The following JARID2 variants were observed in gnomAD, a reference collection of about 807,000 sequenced individuals.
JARID2 encodes jumonji and AT-rich interaction domain containing 2.
In JARID2, 21 loss-of-function variants were observed where a neutral mutation model predicts 125.6. That is an observed-to-expected ratio of 0.17 (90% CI 0.12 to 0.24). JARID2 has a LOEUF of 0.24. Ranked by LOEUF, JARID2 falls within the 10% of genes least tolerant of loss-of-function variation. The pLI is 1.00. For missense variants in JARID2, 1,303 were observed against 1,639.6 expected (o/e 0.79, Z 3.55); for synonymous variants, 736 against 661.6 (o/e 1.11, Z -1.73).
intron 1 of JARID2, among the ~76,000 whole-genome samples, chr6:15,258,924 T>A (rs894440270): frequency 6.6e-6 from 1 of 152,246 alleles, no homozygotes; most frequent in Non-Finnish European, 1.5e-5. Flanking sequence ...GATTATAGTA[T>A]ATCCCAGTTG....
intron 1 of JARID2, among the ~76,000 whole-genome samples, chr6:15,303,323 G>A (rs1486617537): frequency 6.6e-6 from 1 of 152,254 alleles, no homozygotes; most frequent in Non-Finnish European, 1.5e-5. Flanking sequence ...GGTTCATTCT[G>A]TTTCAGGCAG....
chr6:15,339,892 A>C (rs1302922709), intron 1 of JARID2, among the ~76,000 whole-genome samples: 2 of 152,088 alleles, frequency 1.3e-5, no homozygotes, highest in Non-Finnish European at 1.5e-5. Flanking sequence ...TTCTTTCACC[A>C]GGGAGAAAAA....
chr6:15,411,650 CAA>C (rs1765883180), intron 3 of JARID2, among the ~76,000 whole-genome samples: 2 of 152,114 alleles, frequency 1.3e-5, no homozygotes, highest in South Asian at 4.2e-4. Context: ...TGAATTATCA[CAA>C]GAGAGTGATT....
chr6:15,511,857 T>C (rs1176209960), intron 13 of JARID2, among the ~76,000 whole-genome samples: 3 of 152,146 alleles, frequency 2.0e-5, no homozygotes, highest in Non-Finnish European at 2.9e-5. Flanking sequence ...GACGGGGGAC[T>C]CCTTTGTAAG....
chr6:15,432,112 A>C (rs972965622), intron 3 of JARID2, among the ~76,000 whole-genome samples: 17 of 152,012 alleles, frequency 1.1e-4, no homozygotes, highest in African/African-American at 2.4e-4. Context: ...AAAAAAAAAA[A>C]ACACAGATTT....
At chr6:15,257,122 T>C (rs1041175120) in intron 1 of JARID2, among the ~76,000 whole-genome samples, 4 of 152,148 alleles carry the variant, frequency 2.6e-5, no homozygotes, top group African/African-American at 9.7e-5. Flanking sequence ...TAGAAGGCCC[T>C]CTCTGTTACT....
chr6:15,495,313 C>G (rs560400776), intron 6 of JARID2, among the ~76,000 whole-genome samples: 265 of 152,294 alleles, frequency 1.7e-3, no homozygotes, highest in African/African-American at 6.2e-3. Flanking sequence ...CCCATAGAAC[C>G]TGATGGGAAA....
intron 1 of JARID2, among the ~76,000 whole-genome samples, chr6:15,271,818 G>A (rs576642402): frequency 8.7e-4 from 133 of 152,290 alleles, no homozygotes; most frequent in African/African-American, 3.0e-3. Context: ...TGGCCAACAT[G>A]GTGAAACCCC....
intron 3 of JARID2, among the ~76,000 whole-genome samples, chr6:15,443,034 A>AT (rs1245582470): frequency 1.3e-5 from 2 of 151,684 alleles, no homozygotes; most frequent in African/African-American, 4.8e-5. Flanking sequence ...ATTATCTTCG[A>AT]TTTTTTAATT....
chr6:15,359,118 T>A (rs1384268103), intron 1 of JARID2, among the ~76,000 whole-genome samples: 1 of 152,188 alleles, frequency 6.6e-6, no homozygotes, highest in Admixed American at 6.5e-5. Flanking sequence ...GAAGAATGTT[T>A]TAGGGAGAAT....
intron 1 of JARID2, among the ~76,000 whole-genome samples, chr6:15,294,272 A>G (rs1050083464): frequency 6.6e-6 from 1 of 152,052 alleles, no homozygotes; most frequent in South Asian, 2.1e-4. Flanking sequence ...GGCTCACTGC[A>G]GCCTCCACCT....
chr6:15,480,756 C>A (rs937565244), intron 5 of JARID2, among the ~76,000 whole-genome samples: 1 of 152,168 alleles, frequency 6.6e-6, no homozygotes, highest in African/African-American at 2.4e-5. Flanking sequence ...AGGAAGCAGC[C>A]AGCTGGTCTG....
intron 1 of JARID2, among the ~76,000 whole-genome samples, chr6:15,309,147 A>T (rs939651431): frequency 2.0e-5 from 3 of 152,202 alleles, no homozygotes; most frequent in South Asian, 2.1e-4. Flanking sequence ...CATTTCTTTC[A>T]TTGTGTTCCA....
intron 1 of JARID2, among the ~76,000 whole-genome samples, chr6:15,355,430 C>T (rs1293074355): frequency 6.6e-6 from 1 of 152,046 alleles, no homozygotes; most frequent in East Asian, 1.9e-4. Context: ...GGATAAAATA[C>T]TAATAATACT....
chr6:15,404,674 G>A (rs1765579915), intron 2 of JARID2, among the ~76,000 whole-genome samples: 1 of 152,074 alleles, frequency 6.6e-6, no homozygotes, highest in African/African-American at 2.4e-5. Flanking sequence ...GACGGCATTG[G>A]CTCTATAATA....
chr6:15,433,097 C>T (rs754848866), intron 3 of JARID2, among the ~76,000 whole-genome samples: 37 of 152,220 alleles, frequency 2.4e-4, no homozygotes, highest in East Asian at 1.2e-3. Context: ...AGCACCACTC[C>T]GAGGGCTCTA....
At chr6:15,509,824 C>T (rs1290725810) in intron 12 of JARID2, among the ~76,000 whole-genome samples, 2 of 152,116 alleles carry the variant, frequency 1.3e-5, no homozygotes, top group African/African-American at 4.8e-5. Flanking sequence ...CCTGTGTGGG[C>T]TTTTTGAAGA....
At chr6:15,416,654 G>T (rs1373682205) in intron 3 of JARID2, among the ~76,000 whole-genome samples, 1 of 150,684 alleles carries the variant, frequency 6.6e-6, no homozygotes, top group African/African-American at 2.5e-5. Context: ...TCCAGCTTCG[G>T]CTTGGCATCA....
chr6:15,250,213 G>GACA (rs1759389003), intron 1 of JARID2, among the ~76,000 whole-genome samples: 1 of 152,148 alleles, frequency 6.6e-6, no homozygotes, highest in East Asian at 1.9e-4. Context: ...TTAAAAATTG[G>GACA]AAAAAGTTTT....
Sources: gnomAD v4.1 joint callset for allele counts (sites outside exome capture counted in the v4.1 genomes callset) on GRCh38, gnomAD v4.1.1 for gene constraint, MANE v1.5 for transcripts, NCBI Gene and HGNC (gene_info 2026-07-23, HGNC 2026-07-21) for gene names.